Variants in TXLNB observed in about 807,000 individuals in gnomAD.
The protein encoded by TXLNB is beta-taxilin.
Under a neutral mutation model 57.4 loss-of-function variants are expected in TXLNB, and 37 were observed. The ratio of observed to expected loss-of-function variants is 0.64; its 90% CI spans 0.50 to 0.85. The LOEUF (loss-of-function observed/expected upper bound fraction) is 0.85, where lower values mean the gene tolerates loss of function less well. Among genes scored for constraint, TXLNB ranks in the 40% least tolerant of loss-of-function variants. The probability of loss-of-function intolerance (pLI) is 0.00; values close to 1 mark genes in which losing one functional copy is unlikely to be tolerated. For missense variants in TXLNB, 848 were observed against 825.6 expected (o/e 1.03, Z -0.33); for synonymous variants, 302 against 309.6 (o/e 0.98, Z 0.26).
intron 6 of TXLNB, among the ~76,000 whole-genome samples, chr6:139,258,366 G>A (rs1776397339): frequency 6.6e-6 from 1 of 152,130 alleles, no homozygotes; most frequent in African/African-American, 2.4e-5. Flanking sequence ...TATACTATGG[G>A]AAGCATATTT....
the TXLNB span, among the ~76,000 whole-genome samples, chr6:139,322,382 C>T: frequency 6.6e-6 from 1 of 152,114 alleles, no homozygotes; most frequent in Non-Finnish European, 1.5e-5. Context: ...GGCAGAAGAG[C>T]AGAAGAGAGT....
the TXLNB span, among the ~76,000 whole-genome samples, chr6:139,171,546 C>T: frequency 1.3e-5 from 2 of 152,296 alleles, no homozygotes; most frequent in Non-Finnish European, 2.9e-5. Flanking sequence ...AAATCCATGC[C>T]GTCTTATTTG....
At chr6:139,250,375 T>C (rs865865868) in intron 7 of TXLNB, among the ~76,000 whole-genome samples, 17 of 137,690 alleles carry the variant, frequency 1.2e-4, no homozygotes, top group South Asian at 4.7e-4. Context: ...TTTTTTTTTT[T>C]CAAAATACTG....
At chr6:139,267,615 A>G (rs1776646837) in intron 4 of TXLNB, among the ~76,000 whole-genome samples, 1 of 152,214 alleles carries the variant, frequency 6.6e-6, no homozygotes, top group Non-Finnish European at 1.5e-5. Flanking sequence ...AAAATGGTAG[A>G]CATATATCAA....
the TXLNB span, among the ~76,000 whole-genome samples, chr6:139,198,136 A>G: frequency 6.6e-6 from 1 of 152,026 alleles, no homozygotes; most frequent in African/African-American, 2.4e-5. Flanking sequence ...CAGTAAAACT[A>G]TTTCTGGCAA....
chr6:139,188,189 T>C, the TXLNB span, among the ~76,000 whole-genome samples: 1 of 152,184 alleles, frequency 6.6e-6, no homozygotes, highest in African/African-American at 2.4e-5. Flanking sequence ...ATACAGGAGC[T>C]TCTGAGAGTG....
At chr6:139,161,063 A>G in the TXLNB span, among the ~76,000 whole-genome samples, 1 of 151,992 alleles carries the variant, frequency 6.6e-6, no homozygotes, top group Non-Finnish European at 1.5e-5. Context: ...TGTCGGGGAC[A>G]GGGGTGGTGC....
chr6:139,293,796 G>C (rs545096718), upstream of TXLNB, among the ~76,000 whole-genome samples: 1 of 151,974 alleles, frequency 6.6e-6, no homozygotes, highest in Non-Finnish European at 1.5e-5. Flanking sequence ...TGAAGACAAT[G>C]AAGCTGTTCA....
chr6:139,264,485 C>T, intron 4 of TXLNB, among the ~76,000 whole-genome samples: 1 of 151,556 alleles, frequency 6.6e-6, no homozygotes, highest in Non-Finnish European at 1.5e-5. Flanking sequence ...AAATGTCAAA[C>T]AAACAATCAT....
At chr6:139,180,492 A>T in the TXLNB span, 1 of 152,626 alleles carries the variant, frequency 6.6e-6, no homozygotes, top group Admixed American at 6.5e-5. Context: ...GTTCTTGTTT[A>T]GTGTTTTATT....
chr6:139,193,144 A>G, the TXLNB span, among the ~76,000 whole-genome samples: 1 of 151,142 alleles, frequency 6.6e-6, no homozygotes, highest in Non-Finnish European at 1.5e-5. Context: ...TTTCCTCCTA[A>G]CTTACTGGCT....
chr6:139,243,667 C>A (rs895450367), intron 9 of TXLNB, among the ~76,000 whole-genome samples: 2 of 152,028 alleles, frequency 1.3e-5, no homozygotes, highest in Non-Finnish European at 2.9e-5. Flanking sequence ...GCAAGACTTG[C>A]GGCAAGATAA....
chr6:139,186,767 G>T, the TXLNB span, among the ~76,000 whole-genome samples: 1 of 152,168 alleles, frequency 6.6e-6, no homozygotes, highest in African/African-American at 2.4e-5. Context: ...CAATTGCAGA[G>T]TACTACCCAG....
chr6:139,277,909 C>T (rs184695656), intron 2 of TXLNB, among the ~76,000 whole-genome samples: 40 of 152,226 alleles, frequency 2.6e-4, no homozygotes, highest in African/African-American at 8.7e-4. Flanking sequence ...AGACATTTCC[C>T]CTTGGCTAGA....
At chr6:139,189,096 A>T in the TXLNB span, among the ~76,000 whole-genome samples, 4 of 152,214 alleles carry the variant, frequency 2.6e-5, no homozygotes, top group African/African-American at 9.7e-5. Context: ...GGTGGGATAT[A>T]ACCTGTGGTT....
the TXLNB span, among the ~76,000 whole-genome samples, chr6:139,211,978 T>G: frequency 2.0e-5 from 3 of 151,990 alleles, no homozygotes; most frequent in African/African-American, 7.2e-5. Flanking sequence ...ATGGGACTAG[T>G]GAAAAGACCA....
chr6:139,183,629 AATAAG>A, the TXLNB span: 1 of 152,224 alleles, frequency 6.6e-6, no homozygotes, highest in Admixed American at 6.5e-5. Flanking sequence ...CAGATATGTT[AATAAG>A]ATATCTAACT....
chr6:139,272,964 G>A (rs1441880751), intron 3 of TXLNB, among the ~76,000 whole-genome samples: 1 of 152,162 alleles, frequency 6.6e-6, no homozygotes, highest in Non-Finnish European at 1.5e-5. Flanking sequence ...AGCCTGGGAG[G>A]CGGAGGTTGC....
At chr6:139,297,406 G>A in the TXLNB span, among the ~76,000 whole-genome samples, 1 of 152,062 alleles carries the variant, frequency 6.6e-6, no homozygotes, top group African/African-American at 2.4e-5. Context: ...CTTTCTTTCA[G>A]GAATACTAGT....
Sources: gnomAD v4.1 joint callset for allele counts (sites outside exome capture counted in the v4.1 genomes callset) on GRCh38, gnomAD v4.1.1 for gene constraint, MANE v1.5 for transcripts, NCBI Gene and HGNC (gene_info 2026-07-23, HGNC 2026-07-21) for gene names.